C5AR1: variants seen among roughly 807,000 people sequenced by gnomAD.
C5AR1 encodes the protein complement C5a receptor 1, also known as C5a anaphylatoxin chemotactic receptor 1.
C5AR1 carries 4 observed loss-of-function variants against 2.4 expected under a neutral mutation model. The observed-to-expected ratio is 1.65, with a 90% CI of 0.81 to 3.77. C5AR1 has a LOEUF of 3.77. Among genes scored for constraint, C5AR1 ranks in the 30% most tolerant of loss-of-function variants. The probability of loss-of-function intolerance (pLI) is 0.01; values close to 1 mark genes in which losing one functional copy is unlikely to be tolerated. For missense variants in C5AR1, 418 were observed against 462.5 expected, an observed-to-expected ratio of 0.90 and a Z score of 0.88; for synonymous variants, 209 against 210.4, an observed-to-expected ratio of 0.99 and a Z score of 0.06.
intron 1 of C5AR1, among the ~76,000 whole-genome samples, chr19:47,310,416 G>A (rs972623342): frequency 2.0e-5 from 3 of 152,178 alleles, no homozygotes; most frequent in African/African-American, 7.2e-5. Flanking sequence ...AGTGGGAATG[G>A]CAGAGAAAAT....
chr19:47,317,519 A>AAAAAT (rs1555807017), intron 1 of C5AR1, among the ~76,000 whole-genome samples: 65 of 133,340 alleles, frequency 4.9e-4, no homozygotes, highest in South Asian at 2.0e-3. Flanking sequence ...AAAAAAAAAA[A>AAAAAT]ATATATATAT....
Position 47,320,257 on chromosome 19 carries a change from T to C in C5AR1, c.480T>C (p.Ala160=). ...AGLAWIACAV[A]WGLALLLTIP... ...TGGCCTGGATCGCCTGTGCCGTGGC[T>C]TGGGGTTTAGCCCTGCTGCTGACCA... is the stretch of plus-strand genomic sequence containing the variant. The change falls in exon 2 of 2, where the codon GCT becomes GCC. Residue 160 remains alanine, a synonymous_variant. Transcript: ENST00000355085. The surrounding 1 kb of genome is among the most constrained non-coding windows in gnomAD (Gnocchi z 4.9). 2 of 1,613,848 alleles carry C rather than the reference T, an allele frequency of 1.2e-6. No homozygotes were observed. Among genetic ancestry groups the C allele is most frequent in the Non-Finnish European group, 1.7e-6 (2 of 1,180,022 alleles).
chr19:47,313,603 G>A lies in C5AR1; in HGVS notation c.3+3705G>A, dbSNP rs139727643. 9.1e-3 allele frequency among the ~76,000 whole-genome samples: 1,386 copies of A among 152,090 alleles called. 29 individuals carry two copies. The highest frequency in any genetic ancestry group is 0.032 in the African/African-American group (1,310 of 41,492). ...CTCTACTAAAAATAAAATTAGCCAG[G>A]CATGGTGGCGGGCACCTGTAGTCCC... On this transcript the variant is annotated intron_variant, in intron 1 of 1. Transcript: ENST00000355085.
At chr19:47,312,495 T>C (rs1471916644) in intron 1 of C5AR1, among the ~76,000 whole-genome samples, 8 of 152,248 alleles carry the variant, frequency 5.3e-5, no homozygotes, top group Admixed American at 4.6e-4. Context: ...GTGCCTGGTA[T>C]ACAGTTGGCG....
chr19:47,314,030 G>A (rs1224911030), intron 1 of C5AR1, among the ~76,000 whole-genome samples: 2 of 152,056 alleles, frequency 1.3e-5, no homozygotes, highest in South Asian at 2.1e-4. Context: ...TCATCCGATC[G>A]TTCACATCTT....
At chr19:47,315,565 T>A (rs893054803) in intron 1 of C5AR1, among the ~76,000 whole-genome samples, 3 of 152,086 alleles carry the variant, frequency 2.0e-5, no homozygotes, top group African/African-American at 7.2e-5. Context: ...GAGGCAAAAT[T>A]TACCTTCATG....
intron 1 of C5AR1, among the ~76,000 whole-genome samples, chr19:47,312,999 G>A (rs1369444030): frequency 6.6e-6 from 1 of 152,124 alleles, no homozygotes; most frequent in African/African-American, 2.4e-5. Context: ...TTTTGAGACA[G>A]AGTCTCGCTC....
upstream of C5AR1, chr19:47,309,776 A>G (rs188839786): frequency 4.7e-5 from 53 of 1,120,574 alleles, no homozygotes; most frequent in Admixed American, 1.6e-4. Flanking sequence ...GTGCAGACCA[A>G]TGAGAGCCCC....
chr19:47,312,660 C>T (rs1463188829), intron 1 of C5AR1, among the ~76,000 whole-genome samples: 1 of 152,146 alleles, frequency 6.6e-6, no homozygotes, highest in Non-Finnish European at 1.5e-5. Context: ...TTGTATTAGG[C>T]ATTCATTAAT....
chr19:47,308,212 CAAAAAAAAAAAA>C (rs1051683773), upstream of C5AR1, among the ~76,000 whole-genome samples: 1 of 54,070 alleles, frequency 1.8e-5, no homozygotes, highest in Non-Finnish European at 3.8e-5. Flanking sequence ...GACTCCATCT[CAAAAAAAAAAAA>C]AAAAAAAAAA....
intron 1 of C5AR1, among the ~76,000 whole-genome samples, chr19:47,315,424 G>T (rs910667416): frequency 9.2e-5 from 14 of 152,118 alleles, no homozygotes; most frequent in African/African-American, 3.4e-4. Flanking sequence ...TGAGCTCATG[G>T]CAGGAACGGA....
intron 1 of C5AR1, among the ~76,000 whole-genome samples, chr19:47,319,088 A>G (rs1171309398): frequency 6.7e-6 from 1 of 149,840 alleles, no homozygotes; most frequent in Non-Finnish European, 1.5e-5. Flanking sequence ...GTTTCACTAC[A>G]TTGGTCAGGC....
upstream of C5AR1, among the ~76,000 whole-genome samples, chr19:47,308,281 G>C (rs113739976): frequency 0.017 from 2,618 of 150,638 alleles, 77 homozygotes; most frequent in African/African-American, 0.059. Context: ...GATCTGGGTT[G>C]CAAGCTCCTT....
intron 1 of C5AR1, among the ~76,000 whole-genome samples, chr19:47,313,090 C>T (rs1263928576): frequency 2.6e-5 from 4 of 152,150 alleles, no homozygotes; most frequent in South Asian, 2.1e-4. Flanking sequence ...TCTCCTGCCT[C>T]GGCCTCCCAA....
intron 1 of C5AR1, among the ~76,000 whole-genome samples, chr19:47,318,648 G>A (rs1378788790): frequency 6.6e-6 from 1 of 152,058 alleles, no homozygotes; most frequent in Non-Finnish European, 1.5e-5. Flanking sequence ...GATGGAAAGA[G>A]CAAATTCCAT....
chr19:47,319,275 A>G (rs1478337783), intron 1 of C5AR1, among the ~76,000 whole-genome samples: 1 of 149,088 alleles, frequency 6.7e-6, no homozygotes, highest in African/African-American at 2.5e-5. Flanking sequence ...GCAGACTGGC[A>G]AGGGGTCCAA....
intron 1 of C5AR1, chr19:47,316,444 T>G (rs1297181022): frequency 1.3e-5 from 2 of 151,632 alleles, no homozygotes; most frequent in Non-Finnish European, 2.9e-5. Flanking sequence ...CATCTTTCTA[T>G]CACCTTTTTT....
At chr19:47,316,950 G>A (rs2059291260) in intron 1 of C5AR1, among the ~76,000 whole-genome samples, 3 of 151,684 alleles carry the variant, frequency 2.0e-5, no homozygotes, top group African/African-American at 7.3e-5. Context: ...GTTCAAGGCA[G>A]GAGGGTTGCT....
chr19:47,309,920 G>C (rs2059264671), intron 1 of C5AR1, 22 bp downstream of exon 1: 2 of 1,609,080 alleles, frequency 1.2e-6, no homozygotes, highest in Admixed American at 3.4e-5. Flanking sequence ...AGGGGAATGG[G>C]AGCAGGAAAC....
Sources: allele counts gnomAD v4.1 joint callset (sites outside exome capture counted in the v4.1 genomes callset), GRCh38; gene constraint gnomAD v4.1.1; non-coding constraint Gnocchi (gnomAD v3.1); transcripts MANE v1.5; gene names NCBI Gene and HGNC (gene_info 2026-07-23, HGNC 2026-07-21).